FBXW11: variants seen among roughly 807,000 people sequenced by gnomAD.
FBXW11 encodes the protein F-box and WD repeat domain containing 11, also known as F-box/WD repeat-containing protein 11.
FBXW11 carries 19 observed loss-of-function variants against 77.6 expected under a neutral mutation model. The observed-to-expected ratio is 0.24, with a 90% CI of 0.17 to 0.36. The LOEUF (loss-of-function observed/expected upper bound fraction) is 0.36. Ranked by LOEUF, FBXW11 falls within the 10% of genes least tolerant of loss-of-function variation. FBXW11 has a pLI of 1.00. For synonymous variants in FBXW11, 235 were observed against 249.4 expected (o/e 0.94, Z 0.54); for missense variants, 334 against 704.2 (o/e 0.47, Z 5.95).
chr5:171,944,532 G>A (rs528458379), intron 2 of FBXW11, among the ~76,000 whole-genome samples: 58 of 137,454 alleles, frequency 4.2e-4, no homozygotes, highest in Admixed American at 3.0e-3. Flanking sequence ...AGCGGAGATC[G>A]CGCCACTGCA....
chr5:171,991,497 T>C (rs1474342452), intron 1 of FBXW11, among the ~76,000 whole-genome samples: 1 of 152,220 alleles, frequency 6.6e-6, no homozygotes, highest in African/African-American at 2.4e-5. Flanking sequence ...ATGTTAAAAG[T>C]GTGTGTCTTT....
chr5:171,878,632 G>GTGTT (rs1187011620), intron 7 of FBXW11, among the ~76,000 whole-genome samples: 2 of 149,126 alleles, frequency 1.3e-5, no homozygotes, highest in Admixed American at 6.6e-5. Flanking sequence ...GTGTGTGTGT[G>GTGTT]TTTTAATTAG....
intron 2 of FBXW11, among the ~76,000 whole-genome samples, chr5:171,955,713 C>T (rs894136407): frequency 2.7e-4 from 41 of 151,994 alleles, no homozygotes; most frequent in Admixed American, 1.5e-3. Flanking sequence ...TGCTGCATAC[C>T]CTCAATTATA....
chr5:171,968,570 C>T (rs1227936822), intron 1 of FBXW11, among the ~76,000 whole-genome samples: 1 of 151,900 alleles, frequency 6.6e-6, no homozygotes, highest in East Asian at 1.9e-4. Flanking sequence ...AGTCAGAAAA[C>T]TCCTAAGTAT....
Position 171,969,610 on chromosome 5 carries a change from C to T in FBXW11, c.46-11912G>A, listed in dbSNP as rs184002875. 2.5e-3 allele frequency among the ~76,000 whole-genome samples: 377 copies of T among 152,262 alleles called. 1 individual carries two copies. The highest frequency in any genetic ancestry group is 4.2e-3 in the Non-Finnish European group (287 of 68,018). On this transcript the variant is annotated intron_variant, in intron 1 of 13. Coordinates refer to ENST00000517395, the MANE Select transcript of FBXW11 (RefSeq NM_001378974.1). ...TTAAATTATTTCCTGGTTTGCTAAA[C>T]GGAAAAAGATGGCTAAATTCCTAAA...
chr5:171,895,845 T>C (rs763794602), intron 6 of FBXW11, among the ~76,000 whole-genome samples: 125 of 152,212 alleles, frequency 8.2e-4, no homozygotes, highest in Non-Finnish European at 9.4e-4. Context: ...ACTAAGACTC[T>C]AGACAGCAAA....
intron 2 of FBXW11, among the ~76,000 whole-genome samples, chr5:171,915,834 C>T (rs540842072): frequency 6.6e-6 from 1 of 152,124 alleles, no homozygotes; most frequent in East Asian, 1.9e-4. Context: ...GACTTGGAAC[C>T]AACCCAAATG....
chr5:171,944,614 CA>C (rs1184486242), intron 2 of FBXW11, among the ~76,000 whole-genome samples: 2 of 149,780 alleles, frequency 1.3e-5, no homozygotes, highest in Non-Finnish European at 3.0e-5. Context: ...GAAAACATGC[CA>C]AAAATATTAA....
Position 171,900,072 on chromosome 5 carries a change from G to A in FBXW11, c.465C>T (p.Asn155=). 1.2e-6 allele frequency: 2 copies of A among 1,613,280 alleles called. No homozygotes were observed. Among genetic ancestry groups the A allele is most frequent in the South Asian group, 1.1e-5 (1 of 90,958 alleles). ...PEQGLDHIAE[N]ILSYLDARSL... is the part of the protein sequence containing the mutation. ...ACCTGGCATCCAGGTACGAAAGAATGTTTTCTGCTATGTGATCTAAGCCTT... is the reference window on the plus strand; with the variant it reads ...ACCTGGCATCCAGGTACGAAAGAATATTTTCTGCTATGTGATCTAAGCCTT... The change falls in exon 5 of 14, where the codon AAC becomes AAT. Residue 155 remains asparagine, a synonymous_variant. Transcript: ENST00000517395.
At chr5:171,917,438 T>C (rs1047579654) in intron 2 of FBXW11, among the ~76,000 whole-genome samples, 4 of 152,188 alleles carry the variant, frequency 2.6e-5, no homozygotes, top group Admixed American at 6.5e-5. Flanking sequence ...TTTACTTATA[T>C]GGTTGATAAG....
At chr5:171,984,519 C>T (rs1765328674) in intron 1 of FBXW11, among the ~76,000 whole-genome samples, 1 of 151,988 alleles carries the variant, frequency 6.6e-6, no homozygotes, top group African/African-American at 2.4e-5. Flanking sequence ...ATAATGGCAC[C>T]GGTAATGGAA....
At chr5:171,868,877 G>T in intron 12 of FBXW11, 81 bp from the exon 13 acceptor site, 306 of 1,267,462 alleles carry the variant, frequency 2.4e-4, no homozygotes, top group East Asian at 4.0e-4. Context: ...GGCAGAAGAT[G>T]AAAATGCAGC....
intron 1 of FBXW11, among the ~76,000 whole-genome samples, chr5:171,977,232 C>T (rs1764880355): frequency 6.7e-6 from 1 of 148,598 alleles, no homozygotes; most frequent in South Asian, 2.1e-4. Context: ...TTGAACCCTG[C>T]CTAGAAAGGT....
intron 4 of FBXW11, among the ~76,000 whole-genome samples, chr5:171,905,954 A>G (rs1035960643): frequency 3.0e-4 from 45 of 152,192 alleles, no homozygotes; most frequent in African/African-American, 1.1e-3. Flanking sequence ...TACTTCGCAC[A>G]CAGTGCTGAA....
At chr5:171,957,149 G>A in intron 2 of FBXW11, among the ~76,000 whole-genome samples, 1 of 152,138 alleles carries the variant, frequency 6.6e-6, no homozygotes, top group East Asian at 1.9e-4. Flanking sequence ...TGCCAGTAGT[G>A]ATTCCCTCCC....
At position 171,942,377 on chromosome 5, in the gene FBXW11, T is replaced by G. The variant is rs374850330; in HGVS notation, c.147+15220A>C. Among the ~76,000 whole-genome samples the G allele has an allele frequency of 7.4e-4, 112 of 152,230 alleles. 1 individual carries two copies. Among genetic ancestry groups the G allele is most frequent in the African/African-American group, 2.4e-3 (100 of 41,526 alleles). On this transcript the variant is annotated intron_variant, in intron 2 of 13. Coordinates refer to ENST00000517395, the MANE Select transcript of FBXW11 (RefSeq NM_001378974.1). ...TCAGTCTGGAAGAGTTATTTGGTCT[T>G]TGCGGGACTTCCACGACCTTGACAC...
chr5:171,886,705 A>G (rs1224384897), intron 7 of FBXW11, among the ~76,000 whole-genome samples: 1 of 152,194 alleles, frequency 6.6e-6, no homozygotes, highest in East Asian at 1.9e-4. Context: ...TAGGGCTATC[A>G]AGTATATATA....
chr5:172,002,289 G>A (rs1195392955), intron 1 of FBXW11, among the ~76,000 whole-genome samples: 2 of 152,106 alleles, frequency 1.3e-5, no homozygotes, highest in Admixed American at 1.3e-4. Flanking sequence ...TTGTGTGCAG[G>A]AACATGTTTA....
chr5:171,959,946 T>C (rs1763816923), intron 1 of FBXW11, among the ~76,000 whole-genome samples: 2 of 152,102 alleles, frequency 1.3e-5, no homozygotes, highest in Non-Finnish European at 2.9e-5. Flanking sequence ...TTAGGACTAG[T>C]AAATTAAACC....
Sources: allele counts gnomAD v4.1 joint callset (sites outside exome capture counted in the v4.1 genomes callset), GRCh38; gene constraint gnomAD v4.1.1; transcripts MANE v1.5; gene names NCBI Gene and HGNC (gene_info 2026-07-23, HGNC 2026-07-21).